The following ATG10 variants were observed in gnomAD, a reference collection of about 807,000 sequenced individuals.
ATG10 encodes autophagy related 10, also known as ubiquitin-like-conjugating enzyme ATG10.
ATG10 carries 30 observed loss-of-function variants against 32.1 expected under a neutral mutation model. The observed-to-expected ratio is 0.94, with a 90% CI of 0.70 to 1.27. The LOEUF (loss-of-function observed/expected upper bound fraction) is 1.27. Ranked by LOEUF, ATG10 falls within the 50% of genes most tolerant of loss-of-function variation. ATG10 has a pLI of 0.00. For missense variants in ATG10, 233 were observed against 262.3 expected (o/e 0.89, Z 0.77); for synonymous variants, 87 against 91.5 (o/e 0.95, Z 0.28).
chr5:82,020,202 A>G (rs1762398687), intron 2 of ATG10, among the ~76,000 whole-genome samples: 1 of 152,214 alleles, frequency 6.6e-6, no homozygotes, highest in African/African-American at 2.4e-5. Flanking sequence ...TCCTAGAAGT[A>G]GTGAGGGGCA....
At chr5:82,159,804 A>C (rs916580534) in intron 3 of ATG10, among the ~76,000 whole-genome samples, 1 of 152,146 alleles carries the variant, frequency 6.6e-6, no homozygotes, top group Non-Finnish European at 1.5e-5. Flanking sequence ...AATTTTATTT[A>C]GTTTTTAACA....
At chr5:82,146,407 A>G (rs553541146) in intron 3 of ATG10, among the ~76,000 whole-genome samples, 1 of 152,126 alleles carries the variant, frequency 6.6e-6, no homozygotes, top group South Asian at 2.1e-4. Context: ...GTGTTGATTT[A>G]TTCATATTTT....
intron 2 of ATG10, among the ~76,000 whole-genome samples, chr5:82,043,992 A>T (rs1428253194): frequency 6.6e-6 from 1 of 151,924 alleles, no homozygotes; most frequent in East Asian, 1.9e-4. Context: ...TCATTTTCAG[A>T]TATCTTTATA....
chr5:81,991,322 T>A (rs1301340994), intron 2 of ATG10, among the ~76,000 whole-genome samples: 1 of 152,362 alleles, frequency 6.6e-6, no homozygotes, highest in South Asian at 2.1e-4. Flanking sequence ...AAATTTATTT[T>A]TTTTTAAATT....
chr5:82,115,030 G>C (rs939420959), intron 3 of ATG10, among the ~76,000 whole-genome samples: 1 of 152,056 alleles, frequency 6.6e-6, no homozygotes, highest in Non-Finnish European at 1.5e-5. Context: ...AAATAGTCAT[G>C]TGTGACTAGT....
At chr5:82,067,808 C>G (rs1016047733) in intron 3 of ATG10, among the ~76,000 whole-genome samples, 1 of 152,146 alleles carries the variant, frequency 6.6e-6, no homozygotes, top group African/African-American at 2.4e-5. Context: ...TGTAAAGATA[C>G]GTGCCACAGC....
At chr5:82,043,992 A>G (rs1428253194) in intron 2 of ATG10, among the ~76,000 whole-genome samples, 2 of 152,042 alleles carry the variant, frequency 1.3e-5, no homozygotes, top group African/African-American at 4.8e-5. Context: ...TCATTTTCAG[A>G]TATCTTTATA....
intron 5 of ATG10, among the ~76,000 whole-genome samples, chr5:82,240,582 T>A (rs573972495): frequency 6.6e-6 from 1 of 152,270 alleles, no homozygotes; most frequent in African/African-American, 2.4e-5. Context: ...TGGAGTAAGA[T>A]CTAATGTTTG....
intron 2 of ATG10, among the ~76,000 whole-genome samples, chr5:82,038,625 G>C (rs184186251): frequency 2.8e-4 from 43 of 152,166 alleles, no homozygotes; most frequent in Non-Finnish European, 5.4e-4. Context: ...CCCCTGGCCA[G>C]TTCTCTCTTT....
At position 82,252,440 on chromosome 5, in the gene ATG10, A is replaced by G. The variant is rs996803966; in HGVS notation, c.454-122A>G. ...TTTTAAAAATAGAAAATAAACCTGT[A>G]TATTAATTCAATAACTTGGAATTTG... On this transcript the variant is annotated intron_variant, in intron 5 of 7. Coordinates refer to ENST00000282185, the MANE Select transcript of ATG10 (RefSeq NM_031482.5). The G allele has an allele frequency of 1.2e-5, 8 of 671,888 alleles. No individual in the cohort carries two copies. The South Asian group carries it at 1.3e-4, about 11-fold the overall frequency. The allele number at this position is 671,888 out of a possible 1,614,324, so 41.6% of individuals were successfully genotyped here.
At chr5:82,045,373 T>G (rs1763203225) in intron 2 of ATG10, among the ~76,000 whole-genome samples, 1 of 151,986 alleles carries the variant, frequency 6.6e-6, no homozygotes, top group Admixed American at 6.6e-5. Flanking sequence ...AGGTCGCCAG[T>G]TTTCAACCTT....
At chr5:82,084,449 A>T (rs1256328810) in intron 3 of ATG10, among the ~76,000 whole-genome samples, 1 of 152,256 alleles carries the variant, frequency 6.6e-6, no homozygotes, top group African/African-American at 2.4e-5. Context: ...CTAGCAAGGC[A>T]GGCCAACATT....
At chr5:82,135,174 A>G (rs568275971) in intron 3 of ATG10, among the ~76,000 whole-genome samples, 1 of 152,238 alleles carries the variant, frequency 6.6e-6, no homozygotes, top group African/African-American at 2.4e-5. Flanking sequence ...TCAGAAAACC[A>G]TCTCCTGGAT....
chr5:82,026,060 A>G (rs72776826), intron 2 of ATG10, among the ~76,000 whole-genome samples: 1 of 152,144 alleles, frequency 6.6e-6, no homozygotes, highest in African/African-American at 2.4e-5. Context: ...TCACATTGCT[A>G]TGTAACCATC....
intron 3 of ATG10, among the ~76,000 whole-genome samples, chr5:82,109,501 C>T (rs1010014367): frequency 2.4e-4 from 36 of 151,946 alleles, no homozygotes; most frequent in African/African-American, 8.2e-4. Flanking sequence ...GTGGATCAAA[C>T]TTATTTTTTA....
intron 3 of ATG10, among the ~76,000 whole-genome samples, chr5:82,128,392 T>A (rs557232663): frequency 6.6e-6 from 1 of 152,098 alleles, no homozygotes; most frequent in Non-Finnish European, 1.5e-5. Context: ...TTGATGGTCT[T>A]TACAATTTTG....
intron 3 of ATG10, among the ~76,000 whole-genome samples, chr5:82,081,176 T>G (rs1764466755): frequency 6.6e-6 from 1 of 152,238 alleles, no homozygotes; most frequent in Admixed American, 6.5e-5. Context: ...TGTTGGTGTA[T>G]AAGAATGCTT....
intron 5 of ATG10, among the ~76,000 whole-genome samples, chr5:82,244,285 ATCTTAGACACCAGT>A (rs1746929033): frequency 6.6e-6 from 1 of 152,188 alleles, no homozygotes; most frequent in South Asian, 2.1e-4. Context: ...GTCAGGAACT[ATCTTAGACACCAGT>A]TCTGGTCAGA....
chr5:82,181,173 G>C lies in ATG10; in HGVS notation c.453+2586G>C, dbSNP rs549770183. On this transcript the variant is annotated intron_variant, in intron 5 of 7. Transcript: ENST00000282185. ...AAGGCTGGGGCTCACTTAATAGGAGGGATATTTGATATAACCACACTACAA... is the reference window on the plus strand; with the variant it reads ...AAGGCTGGGGCTCACTTAATAGGAGCGATATTTGATATAACCACACTACAA... Among the ~76,000 whole-genome samples the C allele has an allele frequency of 2.0e-4, 31 of 152,118 alleles. No individual in the cohort carries two copies. In the South Asian group the frequency reaches 6.0e-3, roughly 30 times the overall value.
Sources: gnomAD v4.1 joint callset for allele counts (sites outside exome capture counted in the v4.1 genomes callset) on GRCh38, gnomAD v4.1.1 for gene constraint, MANE v1.5 for transcripts, NCBI Gene and HGNC (gene_info 2026-07-23, HGNC 2026-07-21) for gene names.